SPAG16: variants seen among roughly 807,000 people sequenced by gnomAD.
SPAG16 encodes sperm associated antigen 16, also known as sperm-associated antigen 16 protein.
In SPAG16, 86 loss-of-function variants were observed where a neutral mutation model predicts 80.4. The ratio of observed to expected loss-of-function variants is 1.07; its 90% CI spans 0.90 to 1.28. The LOEUF is 1.28. Ranked by LOEUF, SPAG16 falls within the 50% of genes most tolerant of loss-of-function variation. The pLI is 0.00. For missense variants in SPAG16, 870 were observed against 765.3 expected (o/e 1.14, Z -1.61); for synonymous variants, 294 against 265.9 (o/e 1.11, Z -1.03).
intron 15 of SPAG16, among the ~76,000 whole-genome samples, chr2:214,177,971 GTA>G (rs34460783): frequency 0.024 from 1,434 of 59,030 alleles, 33 homozygotes; most frequent in Middle Eastern, 0.05. Flanking sequence ...CAAAGTGTAT[GTA>G]TATATATATA....
chr2:213,614,471 C>G (rs1274714220), intron 10 of SPAG16, among the ~76,000 whole-genome samples: 1 of 152,120 alleles, frequency 6.6e-6, no homozygotes, highest in Non-Finnish European at 1.5e-5. Flanking sequence ...TTAAACCAAC[C>G]CTTGATGCCT....
At chr2:213,355,731 C>A (rs2065607502) in intron 7 of SPAG16, among the ~76,000 whole-genome samples, 1 of 152,170 alleles carries the variant, frequency 6.6e-6, no homozygotes, top group Non-Finnish European at 1.5e-5. Context: ...TGAGATTTTG[C>A]TGAAGTTGCT....
intron 15 of SPAG16, among the ~76,000 whole-genome samples, chr2:214,264,460 C>T (rs1359467145): frequency 6.6e-6 from 1 of 152,052 alleles, no homozygotes; most frequent in Non-Finnish European, 1.5e-5. Flanking sequence ...ATTTAATAGA[C>T]TTTATTTTTA....
intron 10 of SPAG16, among the ~76,000 whole-genome samples, chr2:213,621,022 G>A (rs1461856942): frequency 6.6e-6 from 1 of 151,810 alleles, no homozygotes; most frequent in Non-Finnish European, 1.5e-5. Context: ...ACTAGTTTTA[G>A]TACTTACCTT....
intron 10 of SPAG16, among the ~76,000 whole-genome samples, chr2:213,573,108 C>T (rs537316057): frequency 8.5e-5 from 13 of 152,304 alleles, no homozygotes; most frequent in South Asian, 6.2e-4. Flanking sequence ...ACGCACGGTG[C>T]GCGCACCCAC....
At chr2:214,264,480 T>C (rs1691406782) in intron 15 of SPAG16, among the ~76,000 whole-genome samples, 1 of 152,156 alleles carries the variant, frequency 6.6e-6, no homozygotes, top group Non-Finnish European at 1.5e-5. Context: ...AGAGTAGTTT[T>C]AGGTTTACAG....
At chr2:213,422,022 C>G in intron 9 of SPAG16, 2 of 582,248 alleles carry the variant, frequency 3.4e-6, no homozygotes, top group East Asian at 5.6e-5. Flanking sequence ...ACCAGTTTTT[C>G]ATGTACCTCA....
intron 10 of SPAG16, among the ~76,000 whole-genome samples, chr2:213,767,217 G>A (rs552019973): frequency 3.3e-5 from 5 of 152,086 alleles, no homozygotes; most frequent in Admixed American, 6.5e-5. Context: ...GTCTTAACAC[G>A]CATTATATGT....
intron 10 of SPAG16, among the ~76,000 whole-genome samples, chr2:213,521,991 A>T (rs2075692864): frequency 6.6e-6 from 1 of 152,216 alleles, no homozygotes; most frequent in Admixed American, 6.5e-5. Flanking sequence ...ATGCAGCCTT[A>T]TAAGCAATAG....
At chr2:213,383,081 T>C (rs1228748593) in intron 9 of SPAG16, among the ~76,000 whole-genome samples, 1 of 152,150 alleles carries the variant, frequency 6.6e-6, no homozygotes, top group Non-Finnish European at 1.5e-5. Flanking sequence ...CTCTCAATCT[T>C]GTACCCCATT....
At chr2:214,155,384 G>A (rs1410058175) in intron 15 of SPAG16, among the ~76,000 whole-genome samples, 1 of 152,152 alleles carries the variant, frequency 6.6e-6, no homozygotes, top group Non-Finnish European at 1.5e-5. Context: ...TTCATATATG[G>A]AGCTTTATTG....
intron 10 of SPAG16, among the ~76,000 whole-genome samples, chr2:213,527,380 C>A (rs1423468852): frequency 6.6e-6 from 1 of 152,186 alleles, no homozygotes; most frequent in Non-Finnish European, 1.5e-5. Flanking sequence ...ATGTTGTTCT[C>A]TCTCTGCTTC....
chr2:213,697,438 A>T (rs1397504797), intron 10 of SPAG16, among the ~76,000 whole-genome samples: 1 of 152,190 alleles, frequency 6.6e-6, no homozygotes, highest in Non-Finnish European at 1.5e-5. Flanking sequence ...GTCCCCAAAG[A>T]TATTCAGATT....
chr2:214,336,642 C>A (rs1420419342), intron 15 of SPAG16, among the ~76,000 whole-genome samples: 1 of 151,956 alleles, frequency 6.6e-6, no homozygotes, highest in Non-Finnish European at 1.5e-5. Flanking sequence ...ATGTAGGAAA[C>A]TACACTGTAC....
intron 11 of SPAG16, among the ~76,000 whole-genome samples, chr2:213,876,071 G>A (rs1896282): frequency 0.93 from 141,155 of 152,064 alleles, 66,442 homozygotes; most frequent in East Asian, 1. Flanking sequence ...GAAAATACCA[G>A]TTTCCCCAGT....
intron 5 of SPAG16, among the ~76,000 whole-genome samples, chr2:213,337,177 C>G (rs1156396931): frequency 6.6e-6 from 1 of 152,132 alleles, no homozygotes; most frequent in African/African-American, 2.4e-5. Context: ...AAAACAACAA[C>G]AACATCAATG....
chr2:214,050,144 C>CAT (rs1428831156), intron 13 of SPAG16, among the ~76,000 whole-genome samples: 1 of 152,002 alleles, frequency 6.6e-6, no homozygotes, highest in East Asian at 1.9e-4. Context: ...GAAGTGAAGC[C>CAT]ATATGGAAAA....
At chr2:213,833,059 C>T (rs1157388754) in intron 10 of SPAG16, among the ~76,000 whole-genome samples, 1 of 151,994 alleles carries the variant, frequency 6.6e-6, no homozygotes, top group East Asian at 1.9e-4. Context: ...GCTGCCTTCT[C>T]TTTTTCATAT....
At chr2:214,163,793 T>C (rs75198727) in intron 15 of SPAG16, among the ~76,000 whole-genome samples, 4,955 of 152,012 alleles carry the variant, frequency 0.033, 113 homozygotes, top group Non-Finnish European at 0.052. Flanking sequence ...ACAGGTAGTA[T>C]AGAAGCAGAA....
Sources: allele counts gnomAD v4.1 joint callset (sites outside exome capture counted in the v4.1 genomes callset), GRCh38; gene constraint gnomAD v4.1.1; transcripts MANE v1.5; gene names NCBI Gene and HGNC (gene_info 2026-07-23, HGNC 2026-07-21).